The following SNX29 variants were observed in gnomAD, a reference collection of about 807,000 sequenced individuals.
The protein encoded by SNX29 is sorting nexin-29.
Under a neutral mutation model 102.1 loss-of-function variants are expected in SNX29, and 78 were observed. The observed-to-expected ratio is 0.76, with a 90% CI of 0.64 to 0.92. The LOEUF is 0.92. SNX29 is among the 40% of genes least tolerant of loss of function. The probability of loss-of-function intolerance (pLI) is 0.00; values close to 1 mark genes in which losing one functional copy is unlikely to be tolerated. For missense variants in SNX29, 1,280 were observed against 1,061.7 expected, an observed-to-expected ratio of 1.21 and a Z score of -2.86; for synonymous variants, 580 against 414.5, an observed-to-expected ratio of 1.40 and a Z score of -4.85.
intron 14 of SNX29, among the ~76,000 whole-genome samples, chr16:12,250,906 C>T (rs893163292): frequency 6.6e-6 from 1 of 152,352 alleles, no homozygotes; most frequent in African/African-American, 2.4e-5. Context: ...GCCTGGATCC[C>T]TGACCCCGGT....
At chr16:12,426,965 C>T (rs1206812506) in intron 18 of SNX29, among the ~76,000 whole-genome samples, 1 of 152,104 alleles carries the variant, frequency 6.6e-6, no homozygotes, top group Non-Finnish European at 1.5e-5. Flanking sequence ...CCATGCCTGG[C>T]CAGTATTGTA....
In SNX29 at chr16:12,282,108, A is replaced by AG. The variant is rs1491128957; in HGVS notation, c.1782+4072_1782+4073insG. ...CAAAAAAAAAAAAAAAAAAAAAAAA[A>AG]TGCAGAGCTGGATTTGAATCCTCAC... On this transcript the variant is annotated intron_variant, in intron 15 of 20. Coordinates refer to ENST00000566228, the MANE Select transcript of SNX29 (RefSeq NM_032167.5). Among the ~76,000 whole-genome samples the AG allele has an allele frequency of 3.0e-3, 444 of 147,058 alleles. 5 individuals carry two copies. Among genetic ancestry groups the AG allele is most frequent in the Non-Finnish European group, 5.4e-3 (364 of 67,068 alleles).
chr16:12,358,399 G>A (rs1597061716), intron 16 of SNX29, among the ~76,000 whole-genome samples: 5 of 152,108 alleles, frequency 3.3e-5, no homozygotes, highest in South Asian at 4.1e-4. Context: ...GTGAAACCCC[G>A]TCTCTACTAA....
chr16:12,496,442 C>T (rs561301881), intron 19 of SNX29, among the ~76,000 whole-genome samples: 20 of 150,878 alleles, frequency 1.3e-4, no homozygotes, highest in East Asian at 1.9e-4. Flanking sequence ...CTGGGCCCTT[C>T]GCTGGAGCAC....
chr16:12,124,561 G>T (rs1038676717), intron 11 of SNX29, among the ~76,000 whole-genome samples: 1 of 152,150 alleles, frequency 6.6e-6, no homozygotes, highest in Non-Finnish European at 1.5e-5. Context: ...TGTTTGTTCA[G>T]ATACTTATGT....
At chr16:12,082,265 G>A (rs375648876) in intron 11 of SNX29, among the ~76,000 whole-genome samples, 62 of 152,068 alleles carry the variant, frequency 4.1e-4, no homozygotes, top group African/African-American at 1.4e-3. Context: ...TGTAGGCACC[G>A]TAAGTAGGGC....
At chr16:12,465,109 A>G (rs770811511) in intron 18 of SNX29, among the ~76,000 whole-genome samples, 2 of 152,120 alleles carry the variant, frequency 1.3e-5, no homozygotes, top group African/African-American at 2.4e-5. Flanking sequence ...GGATTTCTGT[A>G]TATATTTTGG....
chr16:11,981,426 T>G (rs75983778), intron 1 of SNX29, among the ~76,000 whole-genome samples: 8,398 of 152,106 alleles, frequency 0.055, 294 homozygotes, highest in Non-Finnish European at 0.082. Context: ...CTTGGTGGTG[T>G]TTTTTGAAGC....
intron 15 of SNX29, among the ~76,000 whole-genome samples, chr16:12,351,809 C>A (rs1035699212): frequency 1.3e-5 from 2 of 152,052 alleles, no homozygotes; most frequent in African/African-American, 2.4e-5. Context: ...TCTTTTAGGC[C>A]AGGGCTACCA....
intron 4 of SNX29, among the ~76,000 whole-genome samples, chr16:12,031,894 C>G (rs950786333): frequency 5.3e-5 from 8 of 152,264 alleles, no homozygotes; most frequent in African/African-American, 1.9e-4. Flanking sequence ...GTGTACAATT[C>G]AGTGTAAGTG....
At chr16:12,527,485 T>A (rs771774335) in intron 20 of SNX29, 12 of 430,170 alleles carry the variant, frequency 2.8e-5, no homozygotes, top group African/African-American at 1.8e-4. Flanking sequence ...AAAGTCCATT[T>A]GAGTTACTGA....
chr16:12,565,095 CTCT>C (rs2078940752), intron 20 of SNX29, among the ~76,000 whole-genome samples: 1 of 152,074 alleles, frequency 6.6e-6, no homozygotes, highest in Non-Finnish European at 1.5e-5. Context: ...GGGTCGTCTT[CTCT>C]TCTGAGTACT....
At chr16:12,178,972 T>C (rs2076321751) in intron 13 of SNX29, among the ~76,000 whole-genome samples, 1 of 152,226 alleles carries the variant, frequency 6.6e-6, no homozygotes, top group South Asian at 2.1e-4. Context: ...ATGCTTTGTA[T>C]GTGAATGCTT....
At chr16:12,308,486 C>T (rs954506539) in intron 15 of SNX29, among the ~76,000 whole-genome samples, 2 of 152,146 alleles carry the variant, frequency 1.3e-5, no homozygotes, top group Non-Finnish European at 2.9e-5. Context: ...CAGATACTGT[C>T]ATTAATCCTC....
chr16:12,151,267 T>A (rs1476818140), intron 13 of SNX29, among the ~76,000 whole-genome samples: 1 of 151,752 alleles, frequency 6.6e-6, no homozygotes, highest in Non-Finnish European at 1.5e-5. Context: ...TATATATGAA[T>A]CTCTTACAGT....
intron 19 of SNX29, among the ~76,000 whole-genome samples, chr16:12,483,319 CTTTT>C (rs71139599): frequency 4.5e-5 from 6 of 134,746 alleles, no homozygotes; most frequent in Admixed American, 1.5e-4. Context: ...ATTTACTTTT[CTTTT>C]TTTTTTTTTT....
rs764722296 is a variant in SNX29, at chr16:12,486,737, C to T, written c.2178+8878C>T. ...TCCTCAACCTCAGTGCCGTGGAGAGCAGGGGGCGGGTGAGGAGGGGCTCTG... is the reference window on the plus strand; with the variant it reads ...TCCTCAACCTCAGTGCCGTGGAGAGTAGGGGGCGGGTGAGGAGGGGCTCTG... On this transcript the variant is annotated intron_variant, in intron 19 of 20. Transcript: ENST00000566228. 7.2e-5 allele frequency among the ~76,000 whole-genome samples: 11 copies of T among 152,304 alleles called. No homozygotes were observed. The South Asian group carries it at 8.3e-4, about 11-fold the overall frequency.
Position 12,573,488 on chromosome 16 carries a change from G to C in SNX29, c.*4859G>C, listed in dbSNP as rs528634290. 2.7e-5 allele frequency: 6 copies of C among 224,414 alleles called. No homozygotes were observed. In the South Asian group the frequency reaches 1.1e-3, roughly 41 times the overall value. 13.9% of individuals were successfully genotyped at this position (224,414 alleles called of 1,614,324 possible). A position where few individuals can be genotyped will look rare whatever the true frequency, so the allele number is the denominator to read the frequency against. ...GCAGCGCTGCTGGCGGAAGATTCTA[G>C]ATTCACTGGTGGTTTAAGAGGCCCA... On this transcript the variant is annotated 3_prime_UTR_variant, in exon 21 of 21. Coordinates refer to ENST00000566228, the MANE Select transcript of SNX29 (RefSeq NM_032167.5).
chr16:12,189,833 G>A (rs1010675289), intron 13 of SNX29, among the ~76,000 whole-genome samples: 12 of 151,944 alleles, frequency 7.9e-5, no homozygotes, highest in African/African-American at 2.7e-4. Context: ...AGCTGAATCC[G>A]TCCCATCCAT....
Sources: allele counts gnomAD v4.1 joint callset (sites outside exome capture counted in the v4.1 genomes callset), GRCh38; gene constraint gnomAD v4.1.1; transcripts MANE v1.5; gene names NCBI Gene and HGNC (gene_info 2026-07-23, HGNC 2026-07-21).